Variants in ZNF346 observed in about 807,000 individuals in gnomAD.
ZNF346 encodes the protein zinc finger protein 346, also known as double-stranded RNA-binding zinc finger protein JAZ.
ZNF346 carries 23 observed loss-of-function variants against 33.7 expected under a neutral mutation model. The observed-to-expected ratio is 0.68, with a 90% CI of 0.49 to 0.97. ZNF346 has a LOEUF of 0.97. Among genes scored for constraint, ZNF346 ranks in the 50% least tolerant of loss-of-function variants. The probability of loss-of-function intolerance (pLI) is 0.00; values close to 1 mark genes in which losing one functional copy is unlikely to be tolerated. For synonymous variants in ZNF346, 134 were observed against 142.4 expected (o/e 0.94, Z 0.42); for missense variants, 340 against 371.1 (o/e 0.92, Z 0.69).
downstream of ZNF346, among the ~76,000 whole-genome samples, chr5:177,072,210 C>A (rs189691511): frequency 6.6e-6 from 1 of 152,178 alleles, no homozygotes; most frequent in Non-Finnish European, 1.5e-5. Flanking sequence ...CTTACACAAC[C>A]AAGAAGTAGC....
rs1016879927 is a variant in ZNF346, at chr5:177,041,308, G to A, written c.279+79G>A. ...ACTAATTCTCTCTGGCTTGCATGGT[G>A]AAGTGTAATTGCTGCTTAGCCACCC... On this transcript the variant is annotated intron_variant, in intron 2 of 6. Transcript: ENST00000358149. 3.3e-6 allele frequency: 4 copies of A among 1,228,036 alleles called. No individual in the cohort carries two copies. In the African/African-American group the frequency reaches 4.5e-5, roughly 14 times the overall value. 76.1% of individuals were successfully genotyped at this position (1,228,036 alleles called of 1,614,324 possible). A position where few individuals can be genotyped will look rare whatever the true frequency, so the allele number is the denominator to read the frequency against.
At chr5:177,022,946 T>C (rs1249333376) in intron 1 of ZNF346, 33 bp downstream of exon 1, 2 of 1,447,626 alleles carry the variant, frequency 1.4e-6, no homozygotes, top group Non-Finnish European at 1.8e-6. Context: ...AGAAAGCCCC[T>C]CGCCCGCTGC....
At chr5:177,023,618 A>G (rs2149565392) in intron 1 of ZNF346, among the ~76,000 whole-genome samples, 1 of 152,270 alleles carries the variant, frequency 6.6e-6, no homozygotes, top group Admixed American at 6.5e-5. Context: ...ACTTGACCTG[A>G]GACTGGGTAA....
intron 1 of ZNF346, among the ~76,000 whole-genome samples, chr5:177,024,397 C>T (rs911878890): frequency 2.0e-5 from 3 of 151,944 alleles, no homozygotes; most frequent in African/African-American, 7.3e-5. Flanking sequence ...GGGGTTTCAC[C>T]ATGTTGGCCA....
chr5:177,061,048 C>T (rs1377133181), intron 5 of ZNF346, among the ~76,000 whole-genome samples: 2 of 148,984 alleles, frequency 1.3e-5, no homozygotes, highest in African/African-American at 5.0e-5. Context: ...GGAGGCGGAG[C>T]TTGCCGTGAG....
downstream of ZNF346, among the ~76,000 whole-genome samples, chr5:177,071,461 C>A (rs1274001962): frequency 1.3e-5 from 2 of 151,790 alleles, no homozygotes; most frequent in African/African-American, 4.8e-5. Context: ...CTGAGGTGGG[C>A]GGATCACAAG....
At position 177,044,546 on chromosome 5, in the gene ZNF346, C is replaced by T; in HGVS notation, c.517+13C>T. 6.2e-7 allele frequency: 1 copy of T among 1,613,066 alleles called. No individual in the cohort carries two copies. Among genetic ancestry groups the T allele is most frequent in the Non-Finnish European group, 8.5e-7 (1 of 1,179,850 alleles). On this transcript the variant is annotated intron_variant, in intron 4 of 6. Coordinates refer to ENST00000358149, the MANE Select transcript of ZNF346 (RefSeq NM_012279.4). ...ACTAAGGTGGAAGGTACTGGTTTTC[C>T]TGAGTAGTGCTATAGTGGGACCCCT...
chr5:177,029,878 G>GCATCAGAAGTAGGGCTCAGT (rs1777415375), intron 1 of ZNF346, among the ~76,000 whole-genome samples: 1 of 152,196 alleles, frequency 6.6e-6, no homozygotes, highest in African/African-American at 2.4e-5. Flanking sequence ...CCTGCAATTG[G>GCATCAGAAGTAGGGCTCAGT]CATCAGAAGT....
chr5:177,070,791 GA>G (rs1783464243), downstream of ZNF346, among the ~76,000 whole-genome samples: 1 of 151,864 alleles, frequency 6.6e-6, no homozygotes, highest in Non-Finnish European at 1.5e-5. Flanking sequence ...GAGGCGGGGG[GA>G]AAAGTAGCAT....
downstream of ZNF346, among the ~76,000 whole-genome samples, chr5:177,068,480 C>A (rs1399569809): frequency 2.1e-5 from 3 of 143,996 alleles, no homozygotes; most frequent in East Asian, 5.8e-4. Flanking sequence ...AAGCTCTCTC[C>A]AAGAGGTGCC....
downstream of ZNF346, among the ~76,000 whole-genome samples, chr5:177,071,425 G>A (rs1292693653): frequency 6.6e-6 from 1 of 151,638 alleles, no homozygotes; most frequent in East Asian, 1.9e-4. Flanking sequence ...GGTGGCTCAC[G>A]CCTGTAATCC....
At chr5:177,055,804 A>G (rs430684) in intron 5 of ZNF346, among the ~76,000 whole-genome samples, 88,151 of 151,588 alleles carry the variant, frequency 0.58, 27,491 homozygotes, top group African/African-American at 0.82. Flanking sequence ...GGCCGGGTGC[A>G]GTGGCTCACA....
downstream of ZNF346, among the ~76,000 whole-genome samples, chr5:177,071,876 TGTTACAG>T (rs1783522545): frequency 3.3e-5 from 5 of 152,244 alleles, no homozygotes; most frequent in South Asian, 1.0e-3. Context: ...TGCAAAGCCC[TGTTACAG>T]AGACAGGGCA....
Position 177,022,990 on chromosome 5 carries a change from T to C in ZNF346, c.175+77T>C, listed in dbSNP as rs1366844913. On this transcript the variant is annotated intron_variant, in intron 1 of 6. Transcript: ENST00000358149. ...CGGGGAACTGCGGAAGCGCCGACGG[T>C]CACACCCCCTGGCCCGCCTCCTTGC... 4 of 1,441,476 alleles carry C rather than the reference T, an allele frequency of 2.8e-6. No homozygotes were observed. The African/African-American group carries it at 5.7e-5, about 21-fold the overall frequency. The allele number at this position is 1,441,476 out of a possible 1,614,324, so 89.3% of individuals were successfully genotyped here. A position where few individuals can be genotyped will look rare whatever the true frequency, so the allele number is the denominator to read the frequency against.
At chr5:177,046,300 C>CA (rs34466141) in intron 4 of ZNF346, among the ~76,000 whole-genome samples, 162 of 101,948 alleles carry the variant, frequency 1.6e-3, no homozygotes, top group South Asian at 2.0e-3. Flanking sequence ...GACCTCGTCT[C>CA]AAAAAAAAAA....
chr5:177,050,105 G>A (rs769087904), intron 4 of ZNF346, among the ~76,000 whole-genome samples: 2 of 152,194 alleles, frequency 1.3e-5, no homozygotes, highest in Admixed American at 6.5e-5. Flanking sequence ...GAAGTGCTAG[G>A]ATTACAGATG....
At chr5:177,048,591 A>G (rs887025645) in intron 4 of ZNF346, among the ~76,000 whole-genome samples, 2 of 152,208 alleles carry the variant, frequency 1.3e-5, no homozygotes, top group Admixed American at 1.3e-4. Context: ...ATTGCACTCC[A>G]GCCTGGGCAA....
At chr5:177,029,147 G>A (rs1419591708) in intron 1 of ZNF346, among the ~76,000 whole-genome samples, 1 of 152,166 alleles carries the variant, frequency 6.6e-6, no homozygotes, top group Non-Finnish European at 1.5e-5. Flanking sequence ...AGGCTTGGAA[G>A]TTACAGCCCC....
chr5:177,064,741 T>C lies in ZNF346; in HGVS notation c.*142T>C, dbSNP rs1395042195. ...GCAGGATTGGGCCACAGACAGCCTCTCATTGGTCCGGGCTAATTCACTCCT... is the reference window on the plus strand; with the variant it reads ...GCAGGATTGGGCCACAGACAGCCTCCCATTGGTCCGGGCTAATTCACTCCT... On this transcript the variant is annotated 3_prime_UTR_variant, in exon 7 of 7. Transcript: ENST00000358149. 4 of 684,474 alleles carry C rather than the reference T, an allele frequency of 5.8e-6. No homozygotes were observed. The highest frequency in any genetic ancestry group is 1.0e-5 in the Non-Finnish European group (4 of 385,240). The allele number at this position is 684,474 out of a possible 1,614,324, so 42.4% of individuals were successfully genotyped here. A position where few individuals can be genotyped will look rare whatever the true frequency, so the allele number is the denominator to read the frequency against.
Sources: gnomAD v4.1 joint callset for allele counts (sites outside exome capture counted in the v4.1 genomes callset) on GRCh38, gnomAD v4.1.1 for gene constraint, MANE v1.5 for transcripts, NCBI Gene and HGNC (gene_info 2026-07-23, HGNC 2026-07-21) for gene names.